NUF2: variants seen among roughly 807,000 people sequenced by gnomAD.
NUF2 encodes the protein kinetochore protein Nuf2.
Under a neutral mutation model 61.8 loss-of-function variants are expected in NUF2, and 34 were observed. That is an observed-to-expected ratio of 0.55 (90% confidence interval 0.42 to 0.73). The LOEUF (loss-of-function observed/expected upper bound fraction) is 0.73, where lower values mean the gene tolerates loss of function less well. NUF2 is among the 30% of genes least tolerant of loss of function. The pLI, the probability that NUF2 is intolerant of heterozygous loss-of-function variation, is 0.00. For missense variants in NUF2, 445 were observed against 539.1 expected, an observed-to-expected ratio of 0.83 and a Z score of 1.73; for synonymous variants, 172 against 181.6, an observed-to-expected ratio of 0.95 and a Z score of 0.42.
Position 163,340,421 on chromosome 1 carries a change from C to T in NUF2, c.664C>T (p.Arg222Cys), listed in dbSNP as rs536480913. 46 of 1,608,070 alleles carry T rather than the reference C, an allele frequency of 2.9e-5. No individual in the cohort carries two copies. The highest frequency in any genetic ancestry group is 6.7e-5 in the African/African-American group (5 of 74,784). ...KKSNISEKTK[R>C]LNELKLSVVS... is the part of the protein sequence containing the mutation. ...GTCAAATATTTCAGAGAAAACCAAG[C>T]GTTTGGTAAACATCTTTTCTTTTCA... The change falls in exon 9 of 14, where the codon CGT (arginine) becomes TGT (cysteine). Residue 222 changes from arginine (R) to cysteine (C), a missense_variant. Coordinates refer to ENST00000271452, the MANE Select transcript of NUF2 (RefSeq NM_145697.3).
At chr1:163,338,517 G>GA (rs1650837547) in intron 7 of NUF2, among the ~76,000 whole-genome samples, 1 of 151,940 alleles carries the variant, frequency 6.6e-6, no homozygotes, top group Admixed American at 6.6e-5. Flanking sequence ...GTAGGGAAAA[G>GA]AATCACTCAA....
chr1:163,355,082 T>C (rs913781599), intron 13 of NUF2, among the ~76,000 whole-genome samples: 1 of 152,080 alleles, frequency 6.6e-6, no homozygotes, highest in Non-Finnish European at 1.5e-5. Context: ...TTTGTTCTTA[T>C]TGTATTAGAA....
intron 10 of NUF2, 127 bp from the exon 11 acceptor site, chr1:163,345,551 A>T: frequency 1.3e-6 from 1 of 765,344 alleles, no homozygotes; most frequent in Non-Finnish European, 2.1e-6. Flanking sequence ...CTAGAAATTT[A>T]ATTGTTCCGT....
At chr1:163,342,736 G>A (rs1161415043) in intron 9 of NUF2, among the ~76,000 whole-genome samples, 1 of 151,986 alleles carries the variant, frequency 6.6e-6, no homozygotes, top group East Asian at 1.9e-4. Context: ...AGAAGGGTAC[G>A]AAATGTGAAA....
intron 13 of NUF2, among the ~76,000 whole-genome samples, chr1:163,349,299 C>A (rs1651233777): frequency 6.6e-6 from 1 of 152,094 alleles, no homozygotes; most frequent in African/African-American, 2.4e-5. Flanking sequence ...ACATTTTTAT[C>A]TTTAAAAATG....
In NUF2 at chr1:163,355,380, G is replaced by A. The variant is rs144589776; in HGVS notation, c.1306G>A (p.Gly436Ser). ...AACTGCTTTGGAGAAATACCACGAC[G>A]GTATTGAAAAGGCAGCAGAGGACTC... ...LKTALEKYHD[G>S]IEKAAEDSYA... The change falls in exon 14 of 14, where the codon GGT becomes AGT. Residue 436 changes from glycine to serine, a missense_variant. Coordinates refer to ENST00000271452, the MANE Select transcript of NUF2 (RefSeq NM_145697.3). 6.0e-4 allele frequency: 970 copies of A among 1,607,384 alleles called. 24 individuals carry two copies. The East Asian group carries it at 0.021, about 35-fold the overall frequency.
At chr1:163,340,504 T>C in intron 9 of NUF2, 78 bp downstream of exon 9, 1 of 964,706 alleles carries the variant, frequency 1.0e-6, no homozygotes, top group Non-Finnish European at 1.6e-6. Flanking sequence ...TGTGTGTTAT[T>C]ATGGGCAAAT....
chr1:163,343,670 A>G, intron 9 of NUF2, 63 bp from the exon 10 acceptor site: 1 of 791,268 alleles, frequency 1.3e-6, no homozygotes, highest in Non-Finnish European at 1.8e-6. Flanking sequence ...GTTCTTTCCC[A>G]TTACTAGAAT....
intron 8 of NUF2, 24 bp from the exon 9 acceptor site, chr1:163,340,340 A>G: frequency 3.2e-6 from 5 of 1,576,108 alleles, no homozygotes; most frequent in Non-Finnish European, 4.3e-6. Context: ...AATCATTATA[A>G]AACGTGTTTG....
intron 5 of NUF2, among the ~76,000 whole-genome samples, chr1:163,331,180 A>G (rs1439190182): frequency 6.6e-6 from 1 of 151,730 alleles, no homozygotes; most frequent in Non-Finnish European, 1.5e-5. Context: ...TTTTTCTTAG[A>G]TGTTTTTTAT....
At chr1:163,328,331 T>C in intron 4 of NUF2, 27 bp downstream of exon 4, 6 of 1,338,766 alleles carry the variant, frequency 4.5e-6, no homozygotes, top group African/African-American at 1.4e-5. Flanking sequence ...TTTATTGTCT[T>C]CGTCTACATT....
rs533661928 is a variant in NUF2 at position 163,322,971 on chromosome 1, G to A, written c.-21+759G>A. 3 of 152,284 alleles carry A rather than the reference G, an allele frequency of 2.0e-5. No individual in the cohort carries two copies. The South Asian group carries it at 6.2e-4, about 32-fold the overall frequency. 9.4% of individuals were successfully genotyped at this position (152,284 alleles called of 1,614,324 possible). A position where few individuals can be genotyped will look rare whatever the true frequency, so the allele number is the denominator to read the frequency against. On this transcript the variant is annotated intron_variant, in intron 1 of 13. Coordinates refer to ENST00000271452, the MANE Select transcript of NUF2 (RefSeq NM_145697.3). ...ATGATAGAATTTGGATATTGGAGGA[G>A]GTTCCAAAAGGAAATACTGGAAGTT...
intron 13 of NUF2, among the ~76,000 whole-genome samples, chr1:163,351,155 T>C (rs1037428205): frequency 2.0e-5 from 3 of 152,210 alleles, no homozygotes; most frequent in Admixed American, 2.0e-4. Flanking sequence ...CTATTTGTCA[T>C]TATTCTGCTT....
At chr1:163,349,208 C>T in intron 13 of NUF2, 128 bp downstream of exon 13, 2 of 732,976 alleles carry the variant, frequency 2.7e-6, no homozygotes, top group South Asian at 2.1e-5. Context: ...ATTATTTACT[C>T]TTTATTCTTG....
rs1166811803 is a variant in NUF2 at position 163,355,602 on chromosome 1, A to G, written c.*133A>G. On this transcript the variant is annotated 3_prime_UTR_variant, in exon 14 of 14. Coordinates refer to ENST00000271452, the MANE Select transcript of NUF2 (RefSeq NM_145697.3). ...GCTTCATCAGTTTTTATACACTCTC[A>G]TAAGTAGTTAATAAGATGAATTTAA... 1.7e-5 allele frequency: 9 copies of G among 539,722 alleles called. No homozygotes were observed. Among genetic ancestry groups the G allele is most frequent in the Non-Finnish European group, 2.5e-5 (8 of 322,072 alleles). 33.4% of individuals were successfully genotyped at this position (539,722 alleles called of 1,614,324 possible). A position where few individuals can be genotyped will look rare whatever the true frequency, so the allele number is the denominator to read the frequency against.
At chr1:163,347,727 G>A (rs1375849800) in intron 11 of NUF2, 36 bp from the exon 12 acceptor site, 2 of 1,278,644 alleles carry the variant, frequency 1.6e-6, no homozygotes, top group Non-Finnish European at 1.0e-6. Flanking sequence ...ATCCTAATTG[G>A]TTATGTTGAC....
In NUF2 at chr1:163,336,641, G is replaced by T. The variant is rs7541849; in HGVS notation, c.338-110G>T. ...TCTACACTTTGTTATATCCTATACA[G>T]TTTTATTTTATATATTATGAGCAGA... On this transcript the variant is annotated intron_variant, in intron 5 of 13. Transcript: ENST00000271452. The T allele has an allele frequency of 0.17, 113,111 of 683,340 alleles. 10,155 individuals carry two copies. The highest frequency in any genetic ancestry group is 0.18 in the Non-Finnish European group (71,944 of 392,418). The allele number at this position is 683,340 out of a possible 1,614,324, so 42.3% of individuals were successfully genotyped here. A position where few individuals can be genotyped will look rare whatever the true frequency, so the allele number is the denominator to read the frequency against.
At chr1:163,340,160 A>G (rs1557951952) in intron 8 of NUF2, 2 of 505,978 alleles carry the variant, frequency 4.0e-6, no homozygotes, top group East Asian at 6.9e-5. Context: ...CATAAATACT[A>G]GGCCATTATT....
Position 163,327,583 on chromosome 1 carries a change from A to G in NUF2, c.198+21A>G, listed in dbSNP as rs753743038. The G allele has an allele frequency of 2.7e-5, 40 of 1,485,396 alleles. No individual in the cohort carries two copies. In the Admixed American group the frequency reaches 6.6e-4, roughly 24 times the overall value. The allele number at this position is 1,485,396 out of a possible 1,614,324, so 92.0% of individuals were successfully genotyped here. On this transcript the variant is annotated intron_variant, in intron 3 of 13. Coordinates refer to ENST00000271452, the MANE Select transcript of NUF2 (RefSeq NM_145697.3). ...ACATGGTGAGTTTAAGATGAGGCAA[A>G]ATTATGGGGTTTTTTTTGTTTGTTT...
Sources: allele counts gnomAD v4.1 joint callset (sites outside exome capture counted in the v4.1 genomes callset), GRCh38; gene constraint gnomAD v4.1.1; transcripts MANE v1.5; gene names NCBI Gene and HGNC (gene_info 2026-07-23, HGNC 2026-07-21).